KCTD7: variants seen among roughly 807,000 people sequenced by gnomAD.
The protein encoded by KCTD7 is potassium channel tetramerization domain containing 7, also known as BTB/POZ domain-containing protein KCTD7.
KCTD7 carries 15 observed loss-of-function variants against 27.0 expected under a neutral mutation model. The observed-to-expected ratio is 0.56, with a 90% CI of 0.37 to 0.86. The LOEUF is 0.86. Among genes scored for constraint, KCTD7 ranks in the 40% least tolerant of loss-of-function variants. The pLI is 0.00. For synonymous variants in KCTD7, 159 were observed against 162.7 expected (o/e 0.98, Z 0.17); for missense variants, 299 against 398.9 (o/e 0.75, Z 2.13).
chr7:66,632,351 G>A (rs926087522), intron 1 of KCTD7, among the ~76,000 whole-genome samples: 2 of 151,852 alleles, frequency 1.3e-5, no homozygotes, highest in Admixed American at 1.3e-4. Context: ...GCCAGTCGTG[G>A]TGGCAGGCAC....
Position 66,642,431 on chromosome 7 carries a change from G to C in KCTD7, c.*3199G>C. ...ATAATCTTCCTGTTCTGGGCTGCTT[G>C]CTGGAGGAATAGGAAGTGACATTTA... On this transcript the variant is annotated 3_prime_UTR_variant, in exon 4 of 4. Coordinates refer to ENST00000639828, the MANE Select transcript of KCTD7 (RefSeq NM_153033.5). The C allele has an allele frequency of 1.0e-6, 1 of 985,428 alleles. No homozygotes were observed. The highest frequency in any genetic ancestry group is 1.2e-6 in the Non-Finnish European group (1 of 829,948). 61.0% of individuals were successfully genotyped at this position (985,428 alleles called of 1,614,324 possible). A position where few individuals can be genotyped will look rare whatever the true frequency, so the allele number is the denominator to read the frequency against.
In KCTD7 at chr7:66,642,684, G is replaced by T. The variant is rs964207551; in HGVS notation, c.*3452G>T. On this transcript the variant is annotated 3_prime_UTR_variant, in exon 4 of 4. Coordinates refer to ENST00000639828, the MANE Select transcript of KCTD7 (RefSeq NM_153033.5). ...TTTGCTGGGGCTCTTGCGTGAAGGT[G>T]GTACCTGTCTCATGATCCTTAAAAG... 3.8e-5 allele frequency: 37 copies of T among 985,268 alleles called. No homozygotes were observed. The highest frequency in any genetic ancestry group is 4.5e-5 in the Non-Finnish European group (37 of 829,946). The allele number at this position is 985,268 out of a possible 1,614,324, so 61.0% of individuals were successfully genotyped here.
chr7:66,638,720 C>A (rs927636115), intron 3 of KCTD7, 136 bp from the exon 4 acceptor site: 1 of 1,100,886 alleles, frequency 9.1e-7, no homozygotes, highest in Non-Finnish European at 1.3e-6. Context: ...CTTCATTGGC[C>A]CCCTGAGTCC....
intron 2 of KCTD7, among the ~76,000 whole-genome samples, chr7:66,636,995 C>A (rs1476580583): frequency 6.6e-6 from 1 of 152,180 alleles, no homozygotes; most frequent in African/African-American, 2.4e-5. Context: ...AATGCTGCAA[C>A]CACTTTGTTA....
At chr7:66,633,751 C>T (rs563382026) in intron 2 of KCTD7, among the ~76,000 whole-genome samples, 2 of 152,112 alleles carry the variant, frequency 1.3e-5, no homozygotes, top group South Asian at 4.1e-4. Flanking sequence ...CTTTGGGAGG[C>T]TGAGGCAGGT....
rs1786678873 is a variant in KCTD7, at chr7:66,640,045, C to A, written c.*813C>A. The A allele has an allele frequency of 7.1e-6, 9 of 1,265,590 alleles. No individual in the cohort carries two copies. Among genetic ancestry groups the A allele is most frequent in the African/African-American group, 1.5e-5 (1 of 64,782 alleles). The allele number at this position is 1,265,590 out of a possible 1,614,324, so 78.4% of individuals were successfully genotyped here. A position where few individuals can be genotyped will look rare whatever the true frequency, so the allele number is the denominator to read the frequency against. ...AGTCAAGCAGGCAAGATGCCTAGAT[C>A]TTCTGTTATCTTTGACATGTAACAT... On this transcript the variant is annotated 3_prime_UTR_variant, in exon 4 of 4. Coordinates refer to ENST00000639828, the MANE Select transcript of KCTD7 (RefSeq NM_153033.5).
Position 66,638,797 on chromosome 7 carries a change from C to G in KCTD7, c.494-59C>G, listed in dbSNP as rs779076635. ...TCTTCAGGACTGTTTCTCTGTGCATCTCTGCTGCCCTGTCCTGCCTCTTCA... is the reference window on the plus strand; with the variant it reads ...TCTTCAGGACTGTTTCTCTGTGCATGTCTGCTGCCCTGTCCTGCCTCTTCA... On this transcript the variant is annotated intron_variant, in intron 3 of 3. Transcript: ENST00000639828. The G allele has an allele frequency of 1.9e-6, 3 of 1,601,580 alleles. No homozygotes were observed. The African/African-American group carries it at 4.0e-5, about 21-fold the overall frequency.
chr7:66,637,653 G>A (rs932564488), intron 2 of KCTD7, among the ~76,000 whole-genome samples: 11 of 152,098 alleles, frequency 7.2e-5, no homozygotes, highest in Non-Finnish European at 1.5e-4. Flanking sequence ...ATATAATTCT[G>A]TTTATATATA....
At position 66,638,978 on chromosome 7, in the gene KCTD7, C is replaced by G. The variant is rs140600524; in HGVS notation, c.616C>G (p.Leu206Val). The G allele has an allele frequency of 1.9e-6, 3 of 1,614,102 alleles. No individual in the cohort carries two copies. In the African/African-American group the frequency reaches 4.0e-5, roughly 22 times the overall value. Reference protein sequence around the residue: ...EMPITPYECPLLNSLRFERSE... With the variant: ...EMPITPYECPVLNSLRFERSE... Reference sequence around the variant, plus strand: ...GCCCATCACCCCCTATGAGTGTCCGCTCCTCAACTCCCTGCGATTTGAGCG... The same window carrying G: ...GCCCATCACCCCCTATGAGTGTCCGGTCCTCAACTCCCTGCGATTTGAGCG... Residue 206 changes from leucine (L) to valine (V), a missense_variant, in exon 4 of 4, where the codon CTC becomes GTC. Coordinates refer to ENST00000639828, the MANE Select transcript of KCTD7 (RefSeq NM_153033.5).
Position 66,642,671 on chromosome 7 carries a change from C to G in KCTD7, c.*3439C>G, listed in dbSNP as rs1786747957. 2.0e-6 allele frequency: 2 copies of G among 985,370 alleles called. No homozygotes were observed. The highest frequency in any genetic ancestry group is 9.4e-5 in the South Asian group (2 of 21,284). The allele number at this position is 985,370 out of a possible 1,614,324, so 61.0% of individuals were successfully genotyped here. On this transcript the variant is annotated 3_prime_UTR_variant, in exon 4 of 4. Coordinates refer to ENST00000639828, the MANE Select transcript of KCTD7 (RefSeq NM_153033.5). ...TCTTGGGTACTATTTTGCTGGGGCT[C>G]TTGCGTGAAGGTGGTACCTGTCTCA...
rs1478390468 is a variant in KCTD7, at chr7:66,633,173, A to G, written c.145-102A>G. On this transcript the variant is annotated intron_variant, in intron 1 of 3. Coordinates refer to ENST00000639828, the MANE Select transcript of KCTD7 (RefSeq NM_153033.5). ...TGGACCCGTGGGCTTGAGTGACTGA[A>G]TGAATGGTGTGGCACCAATCAGACC... The G allele has an allele frequency of 5.3e-5, 63 of 1,191,660 alleles. 1 individual carries two copies. Among genetic ancestry groups the G allele is most frequent in the Non-Finnish European group, 7.7e-5 (62 of 809,784 alleles). The allele number at this position is 1,191,660 out of a possible 1,614,324, so 73.8% of individuals were successfully genotyped here.
At position 66,633,556 on chromosome 7, in the gene KCTD7, G is replaced by C. The variant is rs932041772; in HGVS notation, c.314+112G>C. 22 of 1,028,228 alleles carry C rather than the reference G, an allele frequency of 2.1e-5. No individual in the cohort carries two copies. In the African/African-American group the frequency reaches 3.5e-4, roughly 16 times the overall value. The allele number at this position is 1,028,228 out of a possible 1,614,324, so 63.7% of individuals were successfully genotyped here. On this transcript the variant is annotated intron_variant, in intron 2 of 3. Coordinates refer to ENST00000639828, the MANE Select transcript of KCTD7 (RefSeq NM_153033.5). Reference sequence around the variant, plus strand: ...TACCTAGAAGAGGAGATAGCATATTGATGAAATTTAATAAATGGGTTTATT... The same window carrying C: ...TACCTAGAAGAGGAGATAGCATATTCATGAAATTTAATAAATGGGTTTATT...
At chr7:66,633,565 T>A in intron 2 of KCTD7, 121 bp downstream of exon 2, 1 of 990,170 alleles carries the variant, frequency 1.0e-6, no homozygotes, top group Non-Finnish European at 1.6e-6. Flanking sequence ...TGATGAAATT[T>A]AATAAATGGG....
In KCTD7 at chr7:66,641,565, T is replaced by C. The variant is rs1786718771; in HGVS notation, c.*2333T>C. ...TGGGTAAGAACACCGTTCCTCTCTC[T>C]CGCTGGAGAAATCCCTGTTTCTCTG... On this transcript the variant is annotated 3_prime_UTR_variant, in exon 4 of 4. Coordinates refer to ENST00000639828, the MANE Select transcript of KCTD7 (RefSeq NM_153033.5). The C allele has an allele frequency of 1.0e-6, 1 of 985,310 alleles. No individual in the cohort carries two copies. Among genetic ancestry groups the C allele is most frequent in the Admixed American group, 6.2e-5 (1 of 16,256 alleles). 61.0% of individuals were successfully genotyped at this position (985,310 alleles called of 1,614,324 possible). A position where few individuals can be genotyped will look rare whatever the true frequency, so the allele number is the denominator to read the frequency against.
rs982060715 is a variant in KCTD7, at chr7:66,629,009, C to G, written c.-56C>G. The G allele has an allele frequency of 1.7e-4, 245 of 1,468,470 alleles. 1 individual carries two copies. The highest frequency in any genetic ancestry group is 3.9e-5 in the Non-Finnish European group (43 of 1,105,338). The allele number at this position is 1,468,470 out of a possible 1,614,324, so 91.0% of individuals were successfully genotyped here. A position where few individuals can be genotyped will look rare whatever the true frequency, so the allele number is the denominator to read the frequency against. On this transcript the variant is annotated 5_prime_UTR_variant, in exon 1 of 4. Transcript: ENST00000639828. ...GGCGCTGCTCGGCGGTAGGGAGTGC[C>G]CGGGGCCGCCGCCTCCGCCCGCCCG...
In KCTD7 at chr7:66,643,017, A is replaced by C. The variant is rs1442707654; in HGVS notation, c.*3785A>C. 1 of 985,120 alleles carries C rather than the reference A, an allele frequency of 1.0e-6. No individual in the cohort carries two copies. Among genetic ancestry groups the C allele is most frequent in the Non-Finnish European group, 1.2e-6 (1 of 829,914 alleles). The allele number at this position is 985,120 out of a possible 1,614,324, so 61.0% of individuals were successfully genotyped here. A position where few individuals can be genotyped will look rare whatever the true frequency, so the allele number is the denominator to read the frequency against. On this transcript the variant is annotated 3_prime_UTR_variant, in exon 4 of 4. Transcript: ENST00000639828. ...GCTTTGGTGTATTGAGCCTCAGTACACTCCAAGGGCATTAAAGTCAAGAAC... is the reference window on the plus strand; with the variant it reads ...GCTTTGGTGTATTGAGCCTCAGTACCCTCCAAGGGCATTAAAGTCAAGAAC...
Position 66,639,222 on chromosome 7 carries a change from C to T in KCTD7, c.860C>T (p.Thr287Ile), listed in dbSNP as rs960570960. ...CKRPIYEFKITWW is the reference protein window; with the variant it reads ...CKRPIYEFKIIWW ...CGCCCCATCTATGAGTTCAAGATCA[C>T]ATGGTGGTGAGTAGCCCCGGTAGGC... Residue 287 changes from threonine to isoleucine, a missense_variant, in exon 4 of 4, where the codon ACA becomes ATA. By Grantham distance (89) the Thr-to-Ile change is moderately conservative. Transcript: ENST00000639828. The T allele has an allele frequency of 5.0e-6, 8 of 1,612,300 alleles. No homozygotes were observed. Among genetic ancestry groups the T allele is most frequent in the Non-Finnish European group, 5.1e-6 (6 of 1,180,020 alleles).
At position 66,628,913 on chromosome 7, in the gene KCTD7, C is replaced by A; in HGVS notation, c.-152C>A. 1.4e-6 allele frequency: 1 copy of A among 697,726 alleles called. No individual in the cohort carries two copies. The highest frequency in any genetic ancestry group is 2.1e-6 in the Non-Finnish European group (1 of 484,700). The allele number at this position is 697,726 out of a possible 1,614,324, so 43.2% of individuals were successfully genotyped here. On this transcript the variant is annotated 5_prime_UTR_variant, in exon 1 of 4. Coordinates refer to ENST00000639828, the MANE Select transcript of KCTD7 (RefSeq NM_153033.5). ...CGCGAGCGGGTCGGCGTTGAGGGAGCCACCGCCCTCCCGCCTGCGCACTGC... is the reference window on the plus strand; with the variant it reads ...CGCGAGCGGGTCGGCGTTGAGGGAGACACCGCCCTCCCGCCTGCGCACTGC...
rs1786378992 is a variant in KCTD7 at position 66,629,039 on chromosome 7, C to G, written c.-26C>G. 6.7e-7 allele frequency: 1 copy of G among 1,490,884 alleles called. No homozygotes were observed. Among genetic ancestry groups the G allele is most frequent in the African/African-American group, 1.5e-5 (1 of 68,762 alleles). 92.4% of individuals were successfully genotyped at this position (1,490,884 alleles called of 1,614,324 possible). A position where few individuals can be genotyped will look rare whatever the true frequency, so the allele number is the denominator to read the frequency against. On this transcript the variant is annotated 5_prime_UTR_variant, in exon 1 of 4. Transcript: ENST00000639828. The stretch of plus-strand genomic sequence containing the variant: ...GCCGCCGCCTCCGCCCGCCCGAAGC[C>G]GCGCCCACTGCCCAGAGCCAGAGGG...
Sources: allele counts gnomAD v4.1 joint callset (sites outside exome capture counted in the v4.1 genomes callset), GRCh38; gene constraint gnomAD v4.1.1; transcripts MANE v1.5; gene names NCBI Gene and HGNC (gene_info 2026-07-23, HGNC 2026-07-21).